BTBD3: variants seen among roughly 807,000 people sequenced by gnomAD.
BTBD3 encodes the protein BTB domain containing 3.
Under a neutral mutation model 41.6 loss-of-function variants are expected in BTBD3, and 14 were observed. That is an observed-to-expected ratio of 0.34 (90% CI 0.22 to 0.53). BTBD3 has a LOEUF of 0.53. Ranked by LOEUF, BTBD3 falls within the 20% of genes least tolerant of loss-of-function variation. BTBD3 has a pLI of 0.95. For missense variants in BTBD3, 426 were observed against 654.7 expected (o/e 0.65, Z 3.81); for synonymous variants, 249 against 233.7 (o/e 1.07, Z -0.60).
intron 1 of BTBD3, among the ~76,000 whole-genome samples, chr20:11,905,735 G>A (rs2056849266): frequency 6.6e-6 from 1 of 152,292 alleles, no homozygotes; most frequent in South Asian, 2.1e-4. Context: ...AAGTTACAGA[G>A]CCAGACTATG....
chr20:11,910,744 C>T (rs2056884294), intron 1 of BTBD3, among the ~76,000 whole-genome samples: 1 of 152,094 alleles, frequency 6.6e-6, no homozygotes, highest in African/African-American at 2.4e-5. Flanking sequence ...TTATACTGAT[C>T]AGTTTTATGT....
At position 11,923,156 on chromosome 20, in the gene BTBD3, T is replaced by G. The variant is rs1206185382; in HGVS notation, c.1059T>G (p.Thr353=). The G allele has an allele frequency of 3.7e-6, 6 of 1,614,082 alleles. No individual in the cohort carries two copies. Among genetic ancestry groups the G allele is most frequent in the Non-Finnish European group, 5.1e-6 (6 of 1,180,050 alleles). The change falls in exon 4 of 4, where the codon ACT becomes ACG. Residue 353 remains threonine (T), a synonymous_variant. Transcript: ENST00000378226. The surrounding 1 kb of genome is among the most constrained non-coding windows in gnomAD (Gnocchi z 5.3). ...CCAACGACATCTTCCTCTGGTATAC[T>G]GCAGCCAAAAAGCCTGAGCTTCAGT... The part of the protein sequence containing the change: ...NETNDIFLWY[T]AAKKPELQFV...
intron 1 of BTBD3, among the ~76,000 whole-genome samples, chr20:11,894,749 A>AT (rs1054290472): frequency 2.0e-5 from 3 of 150,570 alleles, no homozygotes; most frequent in Admixed American, 2.0e-4. Context: ...GTCCTTTATG[A>AT]TTTTTTCCTT....
upstream of BTBD3, chr20:11,917,824 T>C (rs2122291725): frequency 4.4e-6 from 3 of 674,244 alleles, no homozygotes; most frequent in East Asian, 1.3e-4. Flanking sequence ...ACTTCAGCTA[T>C]TGGCTCGGAG....
intron 1 of BTBD3, 70 bp downstream of exon 1, chr20:11,918,671 G>A (rs1250415192): frequency 4.9e-6 from 7 of 1,442,926 alleles, no homozygotes; most frequent in Non-Finnish European, 5.6e-6. Context: ...TGCAAAACCT[G>A]TAATGTATTT....
chr20:11,904,748 ATATTT>A (rs952091300), intron 1 of BTBD3, among the ~76,000 whole-genome samples: 17 of 152,242 alleles, frequency 1.1e-4, no homozygotes, highest in African/African-American at 3.1e-4. Flanking sequence ...CTGGAAAAGA[ATATTT>A]TAATAGCATT....
In BTBD3 at chr20:11,923,447, C is replaced by G. The variant is rs2122340344; in HGVS notation, c.1350C>G (p.Thr450=). Residue 450 remains threonine (T), a synonymous_variant, in exon 4 of 4, where the codon ACC becomes ACG. Coordinates refer to ENST00000378226, the MANE Select transcript of BTBD3 (RefSeq NM_014962.4). The surrounding 1 kb of genome is among the most constrained non-coding windows in gnomAD (Gnocchi z 5.3). ...ACTTCTCAGATGGGTCCAGCAATAC[C>G]TTTCCCGTATGGTTTGAATACCCAG... ...SKYFSDGSSN[T]FPVWFEYPVQ... 6.2e-7 allele frequency: 1 copy of G among 1,614,184 alleles called. No individual in the cohort carries two copies. The highest frequency in any genetic ancestry group is 2.2e-5 in the East Asian group (1 of 44,886).
At chr20:11,906,721 G>C (rs2056857169) in intron 1 of BTBD3, among the ~76,000 whole-genome samples, 1 of 152,160 alleles carries the variant, frequency 6.6e-6, no homozygotes, top group African/African-American at 2.4e-5. Flanking sequence ...TTGTGCTTTT[G>C]CTCTGCAGTA....
chr20:11,920,384 A>T (rs1464965908), intron 3 of BTBD3, among the ~76,000 whole-genome samples: 1 of 152,224 alleles, frequency 6.6e-6, no homozygotes, highest in Non-Finnish European at 1.5e-5. Flanking sequence ...GGTAAAAAGT[A>T]CTTGCATTTG....
At chr20:11,892,201 T>A (rs1421443257) in intron 1 of BTBD3, among the ~76,000 whole-genome samples, 1 of 152,210 alleles carries the variant, frequency 6.6e-6, no homozygotes. Flanking sequence ...ATAATGTGAC[T>A]CTAGCACTCA....
chr20:11,907,898 A>C (rs1013866549), intron 1 of BTBD3, among the ~76,000 whole-genome samples: 1 of 152,212 alleles, frequency 6.6e-6, no homozygotes, highest in African/African-American at 2.4e-5. Context: ...TCACTGGGAA[A>C]GGTGAGACAG....
At chr20:11,917,146 A>G (rs6109185), upstream of BTBD3, among the ~76,000 whole-genome samples, 106,666 of 152,088 alleles carry the variant, frequency 0.7, 37,949 homozygotes, top group Non-Finnish European at 0.76. Flanking sequence ...TGAGATCCTG[A>G]ACATGGCCCC....
intron 1 of BTBD3, among the ~76,000 whole-genome samples, chr20:11,898,363 C>T (rs1038021949): frequency 1.3e-5 from 2 of 151,902 alleles, no homozygotes; most frequent in Non-Finnish European, 2.9e-5. Flanking sequence ...TTTATCCTAC[C>T]CCCCCAGCCA....
chr20:11,908,583 T>G (rs1057119222), intron 1 of BTBD3, among the ~76,000 whole-genome samples: 1 of 152,016 alleles, frequency 6.6e-6, no homozygotes, highest in African/African-American at 2.4e-5. Flanking sequence ...TCTAAATCTC[T>G]GGGCAGTTCA....
chr20:11,923,772 A>G lies in BTBD3; in HGVS notation c.*106A>G, dbSNP rs1041738160. The G allele has an allele frequency of 3.6e-6, 4 of 1,126,346 alleles. No individual in the cohort carries two copies. The African/African-American group carries it at 6.3e-5, about 18-fold the overall frequency. The allele number at this position is 1,126,346 out of a possible 1,614,324, so 69.8% of individuals were successfully genotyped here. On this transcript the variant is annotated 3_prime_UTR_variant, in exon 4 of 4. Coordinates refer to ENST00000378226, the MANE Select transcript of BTBD3 (RefSeq NM_014962.4). The surrounding 1 kb of genome is among the most constrained non-coding windows in gnomAD (Gnocchi z 5.3). ...ATGTGATCAGTGCCGGTAATTTGTA[A>G]TGAATGAAGCGGTAGGCAGGTTCTA...
chr20:11,903,884 A>C (rs752870138), intron 1 of BTBD3, among the ~76,000 whole-genome samples: 1 of 152,194 alleles, frequency 6.6e-6, no homozygotes, highest in Non-Finnish European at 1.5e-5. Context: ...CTGGGATTAC[A>C]GGTGTGAGCC....
chr20:11,893,690 A>T (rs761213081), intron 1 of BTBD3, among the ~76,000 whole-genome samples: 5 of 152,146 alleles, frequency 3.3e-5, no homozygotes, highest in Admixed American at 1.3e-4. Flanking sequence ...AAAATTAAAT[A>T]AAAAAATATT....
At position 11,923,780 on chromosome 20, in the gene BTBD3, A is replaced by C. The variant is rs2122343654; in HGVS notation, c.*114A>C. On this transcript the variant is annotated 3_prime_UTR_variant, in exon 4 of 4. Coordinates refer to ENST00000378226, the MANE Select transcript of BTBD3 (RefSeq NM_014962.4). This position sits in a 1 kb window ranked among gnomAD's most constrained non-coding sequence, Gnocchi z 5.3. Reference sequence around the variant, plus strand: ...AGTGCCGGTAATTTGTAATGAATGAAGCGGTAGGCAGGTTCTAATTTCTTT... The same window carrying C: ...AGTGCCGGTAATTTGTAATGAATGACGCGGTAGGCAGGTTCTAATTTCTTT... The C allele has an allele frequency of 9.7e-7, 1 of 1,035,496 alleles. No individual in the cohort carries two copies. The highest frequency in any genetic ancestry group is 1.6e-5 in the South Asian group (1 of 62,150). 64.1% of individuals were successfully genotyped at this position (1,035,496 alleles called of 1,614,324 possible).
chr20:11,919,887 C>T (rs2056952711), intron 3 of BTBD3, 51 bp downstream of exon 3: 1 of 1,472,140 alleles, frequency 6.8e-7, no homozygotes, highest in Non-Finnish European at 9.5e-7. Flanking sequence ...TGTATTTGTA[C>T]CCTGCTGGTT....
Sources: gnomAD v4.1 joint callset for allele counts (sites outside exome capture counted in the v4.1 genomes callset) on GRCh38, gnomAD v4.1.1 for gene constraint, Gnocchi (gnomAD v3.1) non-coding constraint, MANE v1.5 for transcripts, NCBI Gene and HGNC (gene_info 2026-07-23, HGNC 2026-07-21) for gene names.